The following GLYATL1 variants were observed in gnomAD, a reference collection of about 807,000 sequenced individuals.
GLYATL1 encodes glycine-N-acyltransferase like 1, also known as glycine N-acyltransferase-like protein 1.
A neutral mutation model predicts 20.0 loss-of-function variants in GLYATL1; 15 were observed. That is an observed-to-expected ratio of 0.75 (90% CI 0.50 to 1.15). GLYATL1 has a LOEUF of 1.15. Among genes scored for constraint, GLYATL1 ranks in the 50% most tolerant of loss-of-function variants. GLYATL1 has a pLI of 0.00. For synonymous variants in GLYATL1, 151 were observed against 131.5 expected (o/e 1.15, Z -1.01); for missense variants, 380 against 368.5 (o/e 1.03, Z -0.26).
intron 1 of GLYATL1, among the ~76,000 whole-genome samples, chr11:58,927,994 T>C (rs1855473229): frequency 6.6e-6 from 1 of 152,168 alleles, no homozygotes. Context: ...TTAAAGCTGT[T>C]ACTGGGACTT....
At chr11:58,931,211 T>C (rs1357397045) in intron 1 of GLYATL1, among the ~76,000 whole-genome samples, 3 of 152,226 alleles carry the variant, frequency 2.0e-5, no homozygotes, top group African/African-American at 7.2e-5. Context: ...ATGTTTTTCC[T>C]ATGGGTCTTT....
chr11:58,941,114 T>C (rs1856108725), intron 1 of GLYATL1, among the ~76,000 whole-genome samples: 1 of 151,810 alleles, frequency 6.6e-6, no homozygotes. Context: ...TATGTATACA[T>C]GTGCCATGCT....
intron 1 of GLYATL1, among the ~76,000 whole-genome samples, chr11:58,922,442 C>T (rs1482172097): frequency 6.6e-6 from 1 of 151,130 alleles, no homozygotes. Flanking sequence ...ATAGGTGGGT[C>T]CTCTTCTTTC....
rs1590794622 is a variant in GLYATL1 at position 58,943,232 on chromosome 11, A to C, written c.-166-311A>C. ...TTGAAAACCTAATTTAGTAGTGTGC[A>C]CCTGTAACAATACTCCAGTGTTGGC... On this transcript the variant is annotated intron_variant, in intron 1 of 6. Coordinates refer to ENST00000532726, the MANE Select transcript of GLYATL1 (RefSeq NM_001389712.2). 6.7e-6 allele frequency: 10 copies of C among 1,482,204 alleles called. No homozygotes were observed. In the South Asian group the frequency reaches 1.4e-4, roughly 21 times the overall value. 91.8% of individuals were successfully genotyped at this position (1,482,204 alleles called of 1,614,324 possible). A position where few individuals can be genotyped will look rare whatever the true frequency, so the allele number is the denominator to read the frequency against.
intron 2 of GLYATL1, 108 bp from the exon 3 acceptor site, chr11:58,946,938 A>C: frequency 1.2e-6 from 1 of 810,824 alleles, no homozygotes. Flanking sequence ...AATGAATATG[A>C]TACTAACAGT....
At chr11:58,925,472 T>A (rs1364780752), upstream of GLYATL1, among the ~76,000 whole-genome samples, 1 of 152,226 alleles carries the variant, frequency 6.6e-6, no homozygotes, top group Non-Finnish European at 1.5e-5. Context: ...CTTATATTAA[T>A]AACTTTTTAA....
At chr11:58,947,284 A>G in intron 3 of GLYATL1, 119 bp downstream of exon 3, 1 of 1,369,560 alleles carries the variant, frequency 7.3e-7, no homozygotes, top group Non-Finnish European at 9.7e-7. Context: ...GGGAAACAGG[A>G]TGGGACTGGG....
intron 6 of GLYATL1, 32 bp from the exon 7 acceptor site, chr11:58,955,578 A>G: frequency 6.2e-7 from 1 of 1,601,524 alleles, no homozygotes; most frequent in Non-Finnish European, 8.5e-7. Context: ...ATTGGGGATG[A>G]AAGTTGTTGT....
At chr11:58,950,411 T>A (rs1856909403) in intron 4 of GLYATL1, among the ~76,000 whole-genome samples, 1 of 152,158 alleles carries the variant, frequency 6.6e-6, no homozygotes, top group Non-Finnish European at 1.5e-5. Context: ...AGCACTAAAG[T>A]ATTCGTTTTA....
At chr11:58,940,899 C>CA (rs1369777764) in intron 1 of GLYATL1, among the ~76,000 whole-genome samples, 2 of 152,112 alleles carry the variant, frequency 1.3e-5, no homozygotes, top group African/African-American at 2.4e-5. Context: ...CCTGAATGAT[C>CA]AAGGCTTCAG....
intron 1 of GLYATL1, among the ~76,000 whole-genome samples, chr11:58,920,554 G>A (rs1855285296): frequency 6.6e-6 from 1 of 152,064 alleles, no homozygotes; most frequent in African/African-American, 2.4e-5. Context: ...GTCTCCGAGG[G>A]GCTGATCTGT....
intron 3 of GLYATL1, 22 bp downstream of exon 3, chr11:58,947,187 A>G: frequency 6.2e-7 from 1 of 1,611,350 alleles, no homozygotes; most frequent in South Asian, 1.1e-5. Context: ...GTGGGAGGTC[A>G]GGGTATGGGA....
chr11:58,939,315 A>G (rs1474744484), upstream of GLYATL1: 1 of 152,184 alleles, frequency 6.6e-6, no homozygotes, highest in Admixed American at 6.5e-5. Flanking sequence ...TTGATCAGCA[A>G]GACGGATTTG....
upstream of GLYATL1, among the ~76,000 whole-genome samples, chr11:58,936,332 G>C (rs1299061610): frequency 6.6e-6 from 1 of 152,182 alleles, no homozygotes; most frequent in Non-Finnish European, 1.5e-5. Flanking sequence ...ACAATACAAA[G>C]AACAATGGCT....
chr11:58,950,705 C>T (rs150400383), intron 4 of GLYATL1, among the ~76,000 whole-genome samples: 17 of 152,236 alleles, frequency 1.1e-4, no homozygotes, highest in Non-Finnish European at 2.4e-4. Flanking sequence ...GAATTGTTTC[C>T]CCACATTCTC....
intron 1 of GLYATL1, chr11:58,943,101 G>T (rs1590794353): frequency 3.6e-6 from 2 of 556,378 alleles, no homozygotes; most frequent in African/African-American, 1.9e-5. Context: ...AATAAATTTT[G>T]CTACAAACTG....
upstream of GLYATL1, among the ~76,000 whole-genome samples, chr11:58,935,907 T>G (rs1565124743): frequency 6.6e-6 from 1 of 152,196 alleles, no homozygotes; most frequent in Non-Finnish European, 1.5e-5. Context: ...CACATACAGC[T>G]TTTTGTATGT....
At chr11:58,954,390 A>G (rs1044398307) in intron 4 of GLYATL1, among the ~76,000 whole-genome samples, 4 of 152,082 alleles carry the variant, frequency 2.6e-5, no homozygotes, top group Non-Finnish European at 5.9e-5. Flanking sequence ...CAATTGTTGC[A>G]TTTTTTTATT....
At chr11:58,907,571 G>A (rs577600157) in exon 2 of GLYATL1, 104 of 354,378 alleles carry the variant, frequency 2.9e-4, no homozygotes, top group South Asian at 2.2e-3. Context: ...GACTTTTAAT[G>A]TTCCTGACTA....
Sources: gnomAD v4.1 joint callset for allele counts (sites outside exome capture counted in the v4.1 genomes callset) on GRCh38, gnomAD v4.1.1 for gene constraint, MANE v1.5 for transcripts, NCBI Gene and HGNC (gene_info 2026-07-23, HGNC 2026-07-21) for gene names.